Variants in PDE10A observed in about 807,000 individuals in gnomAD.
PDE10A encodes the protein phosphodiesterase 10A.
Under a neutral mutation model 97.7 loss-of-function variants are expected in PDE10A, and 39 were observed. The observed-to-expected ratio is 0.40, with a 90% CI of 0.31 to 0.52. The LOEUF is 0.52. PDE10A is among the 20% of genes least tolerant of loss of function. PDE10A has a pLI of 0.56. For synonymous variants in PDE10A, 371 were observed against 376.8 expected (o/e 0.98, Z 0.18); for missense variants, 731 against 1,047.8 (o/e 0.70, Z 4.17).
At chr6:165,729,185 G>A (rs111510845) in intron 1 of PDE10A, among the ~76,000 whole-genome samples, 2 of 149,136 alleles carry the variant, frequency 1.3e-5, no homozygotes, top group African/African-American at 2.5e-5. Context: ...CTGGGTGACA[G>A]AGGGAGACTC....
At chr6:165,838,311 C>T (rs1780122074) in intron 1 of PDE10A, among the ~76,000 whole-genome samples, 4 of 152,148 alleles carry the variant, frequency 2.6e-5, no homozygotes, top group Non-Finnish European at 5.9e-5. Flanking sequence ...TACATATAAA[C>T]TAGGGTTTTC....
At chr6:165,513,225 C>T (rs1250737033) in intron 2 of PDE10A, among the ~76,000 whole-genome samples, 1 of 151,946 alleles carries the variant, frequency 6.6e-6, no homozygotes, top group Non-Finnish European at 1.5e-5. Flanking sequence ...TATGATATGA[C>T]AGAAAAGTAT....
intron 1 of PDE10A, among the ~76,000 whole-genome samples, chr6:165,691,402 A>C (rs1791292817): frequency 6.6e-6 from 1 of 151,946 alleles, no homozygotes; most frequent in Non-Finnish European, 1.5e-5. Flanking sequence ...CAAGTTTGTA[A>C]CCTAAGAGCA....
intron 13 of PDE10A, among the ~76,000 whole-genome samples, chr6:165,399,526 C>T (rs1786462130): frequency 6.6e-6 from 1 of 152,118 alleles, no homozygotes; most frequent in Admixed American, 6.6e-5. Context: ...TGGTGTGCTG[C>T]ACCCATCAAC....
At chr6:165,370,340 C>T (rs1445201497) in intron 18 of PDE10A, among the ~76,000 whole-genome samples, 27 of 146,246 alleles carry the variant, frequency 1.8e-4, no homozygotes, top group Middle Eastern at 3.4e-3. Flanking sequence ...ACCCATCTCA[C>T]GTGCAGAGAC....
intron 1 of PDE10A, among the ~76,000 whole-genome samples, chr6:165,588,404 C>A (rs534363281): frequency 6.7e-6 from 1 of 149,192 alleles, no homozygotes; most frequent in Admixed American, 6.8e-5. Flanking sequence ...AATTCTCCTG[C>A]CTCAGCCTCT....
chr6:165,510,027 C>CA (rs1781421755), intron 2 of PDE10A, among the ~76,000 whole-genome samples: 1 of 152,048 alleles, frequency 6.6e-6, no homozygotes, highest in South Asian at 2.1e-4. Context: ...CAAAGAGGGA[C>CA]AACCTGACTT....
At chr6:165,597,664 A>G (rs1490072904) in intron 1 of PDE10A, among the ~76,000 whole-genome samples, 1 of 152,240 alleles carries the variant, frequency 6.6e-6, no homozygotes, top group Non-Finnish European at 1.5e-5. Context: ...CCCACTTTAG[A>G]AACGGAATGA....
intron 1 of PDE10A, among the ~76,000 whole-genome samples, chr6:165,669,640 T>C (rs988776513): frequency 6.6e-6 from 1 of 152,200 alleles, no homozygotes. Flanking sequence ...GTTAGATTAT[T>C]ATGACTTACT....
intron 3 of PDE10A, among the ~76,000 whole-genome samples, chr6:165,452,400 AC>A (rs1322498624): frequency 2.0e-5 from 3 of 152,222 alleles, no homozygotes; most frequent in African/African-American, 7.2e-5. Flanking sequence ...TGAAAACTTA[AC>A]CCTGAATGCA....
intron 11 of PDE10A, among the ~76,000 whole-genome samples, chr6:165,417,011 CT>C (rs1788365954): frequency 1.3e-5 from 2 of 151,772 alleles, no homozygotes; most frequent in African/African-American, 2.4e-5. Context: ...TCAAAACTTC[CT>C]TAATTAACAA....
At chr6:165,433,749 C>T (rs1267553760) in intron 6 of PDE10A, among the ~76,000 whole-genome samples, 1 of 152,062 alleles carries the variant, frequency 6.6e-6, no homozygotes, top group Non-Finnish European at 1.5e-5. Flanking sequence ...GGCGCAGTGG[C>T]TCAAGCCTGT....
At chr6:165,677,251 G>T (rs933688135) in intron 1 of PDE10A, among the ~76,000 whole-genome samples, 4 of 152,216 alleles carry the variant, frequency 2.6e-5, no homozygotes, top group Non-Finnish European at 5.9e-5. Context: ...CTCTAAGGAA[G>T]AAGAAATCTG....
intron 1 of PDE10A, among the ~76,000 whole-genome samples, chr6:165,913,862 C>T (rs1163050911): frequency 6.6e-6 from 1 of 152,206 alleles, no homozygotes; most frequent in Non-Finnish European, 1.5e-5. Flanking sequence ...ACAAGCCATC[C>T]AGCAAATCTA....
intron 1 of PDE10A, among the ~76,000 whole-genome samples, chr6:165,889,799 A>G (rs567291437): frequency 4.6e-5 from 7 of 151,340 alleles, no homozygotes; most frequent in Middle Eastern, 3.4e-3. Flanking sequence ...TACTGCACCA[A>G]TCATTTCCTC....
chr6:165,594,387 T>C (rs1474743792), intron 1 of PDE10A, among the ~76,000 whole-genome samples: 1 of 151,992 alleles, frequency 6.6e-6, no homozygotes, highest in Non-Finnish European at 1.5e-5. Flanking sequence ...TCGGAAATAA[T>C]AAATACAGCA....
intron 1 of PDE10A, among the ~76,000 whole-genome samples, chr6:165,597,376 A>G (rs1482199660): frequency 1.3e-5 from 2 of 152,204 alleles, no homozygotes; most frequent in East Asian, 3.9e-4. Context: ...GTTTTAATGG[A>G]GAATTAGTCA....
intron 3 of PDE10A, among the ~76,000 whole-genome samples, chr6:165,480,728 C>T (rs921656871): frequency 6.6e-6 from 1 of 152,204 alleles, no homozygotes; most frequent in African/African-American, 2.4e-5. Flanking sequence ...AGAGCAGAAG[C>T]CCTCTGGCCA....
chr6:165,854,692 A>G (rs1207095617), intron 1 of PDE10A, among the ~76,000 whole-genome samples: 12 of 152,148 alleles, frequency 7.9e-5, no homozygotes. Context: ...GCGTAGGCCA[A>G]GCCGAGCCCG....
Sources: allele counts gnomAD v4.1 joint callset (sites outside exome capture counted in the v4.1 genomes callset), GRCh38; gene constraint gnomAD v4.1.1; transcripts MANE v1.5; gene names NCBI Gene and HGNC (gene_info 2026-07-23, HGNC 2026-07-21).